DPP6: variants seen among roughly 807,000 people sequenced by gnomAD.
DPP6 encodes A-type potassium channel modulatory protein DPP6.
In DPP6, 69 loss-of-function variants were observed where a neutral mutation model predicts 122.6. That is an observed-to-expected ratio of 0.56 (90% confidence interval 0.46 to 0.69). DPP6 has a LOEUF of 0.69. DPP6 is among the 30% of genes least tolerant of loss of function. The pLI, the probability that DPP6 is intolerant of heterozygous loss-of-function variation, is 0.00. For synonymous variants in DPP6, 418 were observed against 433.1 expected (o/e 0.97, Z 0.43); for missense variants, 928 against 1,116.9 (o/e 0.83, Z 2.41).
chr7:154,872,450 G>T (rs1214220484), intron 18 of DPP6, among the ~76,000 whole-genome samples, 174 bp from the exon 19 acceptor site: 33 of 152,180 alleles, frequency 2.2e-4, no homozygotes, highest in Admixed American at 2.2e-3. Flanking sequence ...CTTGCCCAAG[G>T]CCGCGCAGCA....
At chr7:153,860,601 C>T in the DPP6 span, among the ~76,000 whole-genome samples, 6 of 151,978 alleles carry the variant, frequency 3.9e-5, no homozygotes, top group Non-Finnish European at 7.4e-5. Context: ...TGACAAGCCC[C>T]AGGTACTGCA....
chr7:154,633,623 CT>C (rs1237532359), intron 5 of DPP6, among the ~76,000 whole-genome samples: 1 of 152,240 alleles, frequency 6.6e-6, no homozygotes, highest in East Asian at 1.9e-4. Context: ...GGAACAAATT[CT>C]TTCAGTGAGA....
At chr7:154,256,767 C>T (rs1210304129) in intron 1 of DPP6, among the ~76,000 whole-genome samples, 1 of 152,180 alleles carries the variant, frequency 6.6e-6, no homozygotes, top group Non-Finnish European at 1.5e-5. Context: ...TCTTGATGAA[C>T]ACTTGCTAAC....
chr7:153,921,650 G>T (rs529942257), intron 1 of DPP6, among the ~76,000 whole-genome samples: 50 of 152,282 alleles, frequency 3.3e-4, no homozygotes, highest in African/African-American at 1.1e-3. Flanking sequence ...TTCATCTCCA[G>T]CAAGCTCTGC....
At chr7:154,377,619 G>A (rs1349430612) in intron 1 of DPP6, among the ~76,000 whole-genome samples, 3 of 152,220 alleles carry the variant, frequency 2.0e-5, no homozygotes, top group Middle Eastern at 3.4e-3. Flanking sequence ...AAAGTGTGCT[G>A]TTTCCCCCTT....
At chr7:154,779,164 T>C (rs1159085186) in intron 10 of DPP6, among the ~76,000 whole-genome samples, 36 of 1,886 alleles carry the variant, frequency 0.019, no homozygotes, top group East Asian at 0.036. Context: ...TCATCTCCAC[T>C]ACCTCTACCA....
Position 154,590,410 on chromosome 7 carries a change from C to A in DPP6, c.627+23494C>A, listed in dbSNP as rs115849059. Among the ~76,000 whole-genome samples the A allele has an allele frequency of 7.6e-3, 1,141 of 150,910 alleles. 18 individuals carry two copies. Among genetic ancestry groups the A allele is most frequent in the African/African-American group, 0.027 (1,085 of 40,918 alleles). The stretch of plus-strand genomic sequence containing the variant: ...CATAATTTCTAGTGTCTTTTTAGAA[C>A]CTCTCAGTATTGTAACATTTAATGC... On this transcript the variant is annotated intron_variant, in intron 5 of 25. Coordinates refer to ENST00000377770, the MANE Select transcript of DPP6 (RefSeq NM_130797.4).
chr7:154,777,854 C>T (rs576990304), intron 10 of DPP6, among the ~76,000 whole-genome samples: 11 of 152,230 alleles, frequency 7.2e-5, no homozygotes, highest in African/African-American at 9.6e-5. Context: ...CTCCACCACC[C>T]GCTTCCACGG....
At chr7:154,063,316 C>G (rs1380295425) in intron 1 of DPP6, among the ~76,000 whole-genome samples, 2 of 127,036 alleles carry the variant, frequency 1.6e-5, no homozygotes, top group African/African-American at 5.9e-5. Flanking sequence ...GGACTGAGAG[C>G]CAGTCCCTCT....
At chr7:154,219,776 A>G (rs1366159048) in intron 1 of DPP6, among the ~76,000 whole-genome samples, 1 of 152,012 alleles carries the variant, frequency 6.6e-6, no homozygotes, top group Non-Finnish European at 1.5e-5. Context: ...TAGTAGAGAC[A>G]TGGTTTCACC....
chr7:154,754,269 T>C (rs1453853598), intron 8 of DPP6, among the ~76,000 whole-genome samples: 1 of 152,224 alleles, frequency 6.6e-6, no homozygotes, highest in African/African-American at 2.4e-5. Context: ...AAAGCCAGAC[T>C]ATGTAAAAAA....
At chr7:154,884,784 C>T (rs1805992838) in intron 21 of DPP6, 1 of 152,292 alleles carries the variant, frequency 6.6e-6, no homozygotes, top group South Asian at 2.1e-4. Context: ...CACACATGCT[C>T]ACATATGCAC....
At chr7:153,956,227 G>T (rs754153639) in intron 1 of DPP6, among the ~76,000 whole-genome samples, 2 of 152,130 alleles carry the variant, frequency 1.3e-5, no homozygotes, top group Admixed American at 1.3e-4. Flanking sequence ...AGTCCATGCT[G>T]CTCAGACCCC....
chr7:153,870,787 A>G, the DPP6 span, among the ~76,000 whole-genome samples: 1 of 151,918 alleles, frequency 6.6e-6, no homozygotes, highest in African/African-American at 2.4e-5. Context: ...GGTTTTATCT[A>G]CCTTTAGTCT....
intron 1 of DPP6, among the ~76,000 whole-genome samples, chr7:154,327,516 C>T (rs1401052465): frequency 5.9e-5 from 9 of 152,072 alleles, no homozygotes. Context: ...AATTTGATAT[C>T]TATATCAATC....
chr7:154,867,983 CCT>C lies in DPP6; in HGVS notation c.1715-7_1715-6del, dbSNP rs1804033260. ...ACTGCATCTCAGTGTGTCCCTGTTT[CCT>C]CTCTTTCAGAAATGTTTGACCTAGA... On this transcript the variant is annotated splice_polypyrimidine_tract_variant and intron_variant, in intron 17 of 25. Transcript: ENST00000377770. 6.3e-7 allele frequency: 1 copy of C among 1,583,442 alleles called. No individual in the cohort carries two copies. Among genetic ancestry groups the C allele is most frequent in the Admixed American group, 1.8e-5 (1 of 55,472 alleles).
At chr7:154,180,448 T>C in intron 1 of DPP6, among the ~76,000 whole-genome samples, 1 of 144,974 alleles carries the variant, frequency 6.9e-6, no homozygotes, top group South Asian at 2.1e-4. Flanking sequence ...TACACATTTA[T>C]ATATTATATA....
intron 1 of DPP6, among the ~76,000 whole-genome samples, chr7:153,925,608 C>T (rs1800860236): frequency 6.6e-6 from 1 of 151,320 alleles, no homozygotes; most frequent in Non-Finnish European, 1.5e-5. Context: ...GGGAGATCAT[C>T]CTGCATGGTA....
chr7:154,091,099 C>T (rs1217542008), intron 1 of DPP6, among the ~76,000 whole-genome samples: 2 of 147,406 alleles, frequency 1.4e-5, no homozygotes, highest in African/African-American at 2.6e-5. Flanking sequence ...CCAGCTTGGG[C>T]AACAGAGCAA....
Sources: gnomAD v4.1 joint callset for allele counts (sites outside exome capture counted in the v4.1 genomes callset) on GRCh38, gnomAD v4.1.1 for gene constraint, MANE v1.5 for transcripts, NCBI Gene and HGNC (gene_info 2026-07-23, HGNC 2026-07-21) for gene names.